Variants in ONECUT2 observed in about 807,000 individuals in gnomAD.
The protein encoded by ONECUT2 is one cut homeobox 2, also known as one cut domain family member 2.
In ONECUT2, 10 loss-of-function variants were observed where a neutral mutation model predicts 27.9. The ratio of observed to expected loss-of-function variants is 0.36; its 90% CI spans 0.22 to 0.61. The LOEUF (loss-of-function observed/expected upper bound fraction) is 0.61, where lower values mean the gene tolerates loss of function less well. ONECUT2 is among the 20% of genes least tolerant of loss of function. ONECUT2 has a pLI of 0.73. For missense variants in ONECUT2, 686 were observed against 721.0 expected, an observed-to-expected ratio of 0.95 and a Z score of 0.56; for synonymous variants, 334 against 315.1, an observed-to-expected ratio of 1.06 and a Z score of -0.64.
chr18:57,446,360 A>G (rs2050200456), intron 1 of ONECUT2, among the ~76,000 whole-genome samples: 1 of 152,244 alleles, frequency 6.6e-6, no homozygotes, highest in Admixed American at 6.5e-5. Context: ...GCATTACAGT[A>G]AACAGAATTG....
At chr18:57,443,596 T>C (rs2050186943) in intron 1 of ONECUT2, among the ~76,000 whole-genome samples, 1 of 152,144 alleles carries the variant, frequency 6.6e-6, no homozygotes, top group Non-Finnish European at 1.5e-5. Flanking sequence ...GATTTCCCAG[T>C]CTCATTCAAG....
chr18:57,439,665 T>C (rs1008214506), intron 1 of ONECUT2, among the ~76,000 whole-genome samples: 15 of 152,228 alleles, frequency 9.9e-5, no homozygotes, highest in Admixed American at 9.8e-4. Context: ...GGAGTATCGA[T>C]CGGAATCCCC....
At chr18:57,440,884 G>C (rs2050170503) in intron 1 of ONECUT2, among the ~76,000 whole-genome samples, 1 of 152,224 alleles carries the variant, frequency 6.6e-6, no homozygotes, top group South Asian at 2.1e-4. Context: ...CAGAGCTGGA[G>C]AGGCTGAACG....
At position 57,435,662 on chromosome 18, in the gene ONECUT2, CCCGCCCGCCGG is replaced by C; in HGVS notation, c.-48_-38del. On this transcript the variant is annotated 5_prime_UTR_variant, in exon 1 of 2. Coordinates refer to ENST00000491143, the MANE Select transcript of ONECUT2 (RefSeq NM_004852.3). ...GCCGAGCCCCGCCACGCGCGCCTTGCCCGCCCGCCGGCCGCCCCCGCCGCCCCCGCCGCCCC... is the reference window on the plus strand; with the variant it reads ...GCCGAGCCCCGCCACGCGCGCCTTGCCCGCCCCCGCCGCCCCCGCCGCCCC... 1.0e-6 allele frequency: 1 copy of C among 986,786 alleles called. No homozygotes were observed. The highest frequency in any genetic ancestry group is 1.2e-6 in the Non-Finnish European group (1 of 820,558). 61.1% of individuals were successfully genotyped at this position (986,786 alleles called of 1,614,324 possible).
In ONECUT2 at chr18:57,487,697, TGAC is replaced by T; in HGVS notation, c.*10975_*10977del. ...GGCTGTCCCTCCCTAGACTTGGAGG[TGAC>T]TCTCACTTAATTTTTACCTGCCCAA... On this transcript the variant is annotated 3_prime_UTR_variant, in exon 2 of 2. Transcript: ENST00000491143. 1 of 152,208 alleles carries T rather than the reference TGAC, an allele frequency of 6.6e-6. No homozygotes were observed. Among genetic ancestry groups the T allele is most frequent in the Admixed American group, 6.5e-5 (1 of 15,278 alleles). The allele number at this position is 152,208 out of a possible 1,614,324, so 9.4% of individuals were successfully genotyped here.
intron 1 of ONECUT2, among the ~76,000 whole-genome samples, chr18:57,438,316 G>C (rs188134082): frequency 2.0e-5 from 3 of 152,238 alleles, no homozygotes; most frequent in South Asian, 2.1e-4. Context: ...CGGGTGGAGG[G>C]GGGTATCTTT....
Position 57,444,237 on chromosome 18 carries a change from C to G in ONECUT2, c.1228+7293C>G, listed in dbSNP as rs150902648. 1.3e-5 allele frequency: 5 copies of G among 388,012 alleles called. No individual in the cohort carries two copies. The East Asian group carries it at 3.6e-4, about 28-fold the overall frequency. The allele number at this position is 388,012 out of a possible 1,614,324, so 24.0% of individuals were successfully genotyped here. A position where few individuals can be genotyped will look rare whatever the true frequency, so the allele number is the denominator to read the frequency against. ...GTAGATATTTCATTTACAGTTTTCTCTGTGCAATCAGCCTTGGAGATGGTT... is the reference window on the plus strand; with the variant it reads ...GTAGATATTTCATTTACAGTTTTCTGTGTGCAATCAGCCTTGGAGATGGTT... On this transcript the variant is annotated intron_variant, in intron 1 of 1. Coordinates refer to ENST00000491143, the MANE Select transcript of ONECUT2 (RefSeq NM_004852.3).
At chr18:57,445,898 T>C (rs1416749031) in intron 1 of ONECUT2, among the ~76,000 whole-genome samples, 1 of 152,248 alleles carries the variant, frequency 6.6e-6, no homozygotes, top group African/African-American at 2.4e-5. Flanking sequence ...GCTAATTGCT[T>C]TATTGGTAGC....
intron 1 of ONECUT2, among the ~76,000 whole-genome samples, chr18:57,471,506 C>G (rs747712601): frequency 6.6e-6 from 1 of 152,166 alleles, no homozygotes; most frequent in Non-Finnish European, 1.5e-5. Flanking sequence ...CCAGTGGCCA[C>G]CAGGGAGAAG....
chr18:57,461,443 G>T (rs503581), intron 1 of ONECUT2, among the ~76,000 whole-genome samples: 1 of 152,004 alleles, frequency 6.6e-6, no homozygotes, highest in African/African-American at 2.4e-5. Context: ...ATACATTTCT[G>T]TGGGGTTTTC....
intron 1 of ONECUT2, among the ~76,000 whole-genome samples, chr18:57,462,250 T>G (rs1377206691): frequency 6.6e-6 from 1 of 152,260 alleles, no homozygotes; most frequent in Non-Finnish European, 1.5e-5. Context: ...GTTTTTCTAT[T>G]GGAATGTTTG....
intron 1 of ONECUT2, chr18:57,467,331 C>T: frequency 2.8e-6 from 1 of 360,930 alleles, no homozygotes; most frequent in Non-Finnish European, 5.5e-6. Context: ...CATTGATCAT[C>T]CACATTTCCT....
rs995844826 is a variant in ONECUT2, at chr18:57,435,575, G to T, written c.-142G>T. 7.6e-6 allele frequency: 2 copies of T among 262,356 alleles called. No homozygotes were observed. The highest frequency in any genetic ancestry group is 1.1e-5 in the Non-Finnish European group (2 of 183,652). The allele number at this position is 262,356 out of a possible 1,614,324, so 16.3% of individuals were successfully genotyped here. On this transcript the variant is annotated 5_prime_UTR_variant, in exon 1 of 2. Coordinates refer to ENST00000491143, the MANE Select transcript of ONECUT2 (RefSeq NM_004852.3). The stretch of plus-strand genomic sequence containing the variant: ...CCCCGGGCGAGCCCGCCCGCAGCCC[G>T]GGGCGCACACCCGCACGCGCACTCC...
At chr18:57,450,240 C>A (rs1323117410) in intron 1 of ONECUT2, among the ~76,000 whole-genome samples, 1 of 152,126 alleles carries the variant, frequency 6.6e-6, no homozygotes, top group Admixed American at 6.5e-5. Flanking sequence ...GTGGTGCGAT[C>A]TCGGCTAACT....
intron 1 of ONECUT2, among the ~76,000 whole-genome samples, chr18:57,449,399 G>A (rs897333670): frequency 6.6e-6 from 1 of 152,098 alleles, no homozygotes; most frequent in Non-Finnish European, 1.5e-5. Flanking sequence ...ATTGTAGATG[G>A]CATCTGAGTA....
rs2050191605 is a variant in ONECUT2, at chr18:57,444,524, ACTGCGTCCTC to A, written c.1228+7584_1228+7593del. ...GCCCTTGAGCATGAAGCTGTGCCCTACTGCGTCCTCCTGGAGCAAGCTTGGAGTCCCCACC... is the reference window on the plus strand; with the variant it reads ...GCCCTTGAGCATGAAGCTGTGCCCTACTGGAGCAAGCTTGGAGTCCCCACC... On this transcript the variant is annotated intron_variant, in intron 1 of 1. Coordinates refer to ENST00000491143, the MANE Select transcript of ONECUT2 (RefSeq NM_004852.3). The A allele has an allele frequency of 9.1e-6, 4 of 440,654 alleles. No homozygotes were observed. In the Admixed American group the frequency reaches 9.8e-5, roughly 11 times the overall value. 27.3% of individuals were successfully genotyped at this position (440,654 alleles called of 1,614,324 possible).
intron 1 of ONECUT2, among the ~76,000 whole-genome samples, chr18:57,457,902 C>T (rs1243593459): frequency 1.3e-5 from 2 of 151,900 alleles, no homozygotes; most frequent in Non-Finnish European, 2.9e-5. Context: ...TGCTCTCACT[C>T]GTAGGTGGGA....
In ONECUT2 at chr18:57,460,399, A is replaced by C. The variant is rs151120810; in HGVS notation, c.1229-16038A>C. Among the ~76,000 whole-genome samples, 4 of 152,270 alleles carry C rather than the reference A, an allele frequency of 2.6e-5. No individual in the cohort carries two copies. The East Asian group carries it at 5.8e-4, about 22-fold the overall frequency. ...ATTTGAAATGCAATACTTTCTTTAT[A>C]ATATATTATATTCCCTTATGTACTT... On this transcript the variant is annotated intron_variant, in intron 1 of 1. Coordinates refer to ENST00000491143, the MANE Select transcript of ONECUT2 (RefSeq NM_004852.3).
At position 57,481,641 on chromosome 18, in the gene ONECUT2, G is replaced by C. The variant is rs189384894; in HGVS notation, c.*4918G>C. 6.6e-6 allele frequency: 1 copy of C among 152,142 alleles called. No individual in the cohort carries two copies. Among genetic ancestry groups the C allele is most frequent in the Non-Finnish European group, 1.5e-5 (1 of 68,024 alleles). The allele number at this position is 152,142 out of a possible 1,614,324, so 9.4% of individuals were successfully genotyped here. A position where few individuals can be genotyped will look rare whatever the true frequency, so the allele number is the denominator to read the frequency against. The stretch of plus-strand genomic sequence containing the variant: ...AAAATGTTGGTAGAATTATAGGAAT[G>C]TCTGTTTGATTATCATTACCAAAGT... On this transcript the variant is annotated 3_prime_UTR_variant, in exon 2 of 2. Transcript: ENST00000491143.
Sources: allele counts gnomAD v4.1 joint callset (sites outside exome capture counted in the v4.1 genomes callset), GRCh38; gene constraint gnomAD v4.1.1; transcripts MANE v1.5; gene names NCBI Gene and HGNC (gene_info 2026-07-23, HGNC 2026-07-21).